The following SEPTIN6 variants were observed in gnomAD, a reference collection of about 807,000 sequenced individuals.
The protein encoded by SEPTIN6 is septin 6, also known as septin-6.
SEPTIN6 carries 8 observed loss-of-function variants against 33.6 expected under a neutral mutation model. The ratio of observed to expected loss-of-function variants is 0.24; its 90% CI spans 0.14 to 0.43. The LOEUF is 0.43. Ranked by LOEUF, SEPTIN6 falls within the 20% of genes least tolerant of loss-of-function variation. The pLI is 1.00. For synonymous variants in SEPTIN6, 131 were observed against 140.0 expected, an observed-to-expected ratio of 0.94 and a Z score of 0.45; for missense variants, 250 against 340.8, an observed-to-expected ratio of 0.73 and a Z score of 2.10.
chrX:119,645,706 A>AT (rs2054244294), intron 5 of SEPTIN6, among the ~76,000 whole-genome samples: 1 of 110,908 alleles, frequency 9.0e-6, no homozygotes, highest in African/African-American at 3.3e-5. Context: ...AATTTTTTGT[A>AT]TTTTTAGTAG....
intron 9 of SEPTIN6, among the ~76,000 whole-genome samples, chrX:119,628,458 T>C (rs2053895767): frequency 9.1e-6 from 1 of 109,647 alleles, no homozygotes; most frequent in Non-Finnish European, 1.9e-5. Flanking sequence ...TTTGTATTTT[T>C]AGTAGAGACA....
chrX:119,637,651 A>G (rs1236283174), intron 6 of SEPTIN6, among the ~76,000 whole-genome samples: 1 of 92,727 alleles, frequency 1.1e-5, no homozygotes, highest in Non-Finnish European at 2.2e-5. Flanking sequence ...CCATCCATCT[A>G]TCTATCCATC....
intron 8 of SEPTIN6, among the ~76,000 whole-genome samples, chrX:119,630,826 G>A (rs760055726): frequency 2.7e-5 from 3 of 109,755 alleles, no homozygotes; most frequent in Non-Finnish European, 5.7e-5. Flanking sequence ...CCGGGAGGCG[G>A]AGCTTTCAGT....
Position 119,654,940 on chromosome X carries a change from C to A in SEPTIN6, c.342-1900G>T, listed in dbSNP as rs753367711. On this transcript the variant is annotated intron_variant, in intron 3 of 10. Coordinates refer to ENST00000394610, the MANE Select transcript of SEPTIN6 (RefSeq NM_145799.4). Reference sequence around the variant, plus strand: ...TTTGGAGTGAGGGTGGGGAATGTATCCCCTAGGCTTATTTAATTAATTTTT... The same window carrying A: ...TTTGGAGTGAGGGTGGGGAATGTATACCCTAGGCTTATTTAATTAATTTTT... Among the ~76,000 whole-genome samples the A allele has an allele frequency of 4.5e-5, 5 of 111,539 alleles. No individual in the cohort carries two copies. In the South Asian group the frequency reaches 1.9e-3, roughly 42 times the overall value.
At chrX:119,621,634 G>A (rs978224303) in intron 10 of SEPTIN6, among the ~76,000 whole-genome samples, 1 of 108,424 alleles carries the variant, frequency 9.2e-6, no homozygotes. Context: ...TGGGATTATA[G>A]GCACCCGCCA....
At position 119,668,939 on chromosome X, in the gene SEPTIN6, C is replaced by T. The variant is rs183594374; in HGVS notation, c.146-5262G>A. Among the ~76,000 whole-genome samples the T allele has an allele frequency of 8.1e-5, 9 of 111,636 alleles. No individual in the cohort carries two copies. The East Asian group carries it at 1.1e-3, about 14-fold the overall frequency. Reference sequence around the variant, plus strand: ...AGTCTTTTATTCCTCACCCCCTTCCCGCCCTTTCCCCCTGAGTCCCCAAAG... The same window carrying T: ...AGTCTTTTATTCCTCACCCCCTTCCTGCCCTTTCCCCCTGAGTCCCCAAAG... On this transcript the variant is annotated intron_variant, in intron 2 of 10. Transcript: ENST00000394610.
chrX:119,627,785 G>A (rs1239425074), intron 9 of SEPTIN6, among the ~76,000 whole-genome samples: 1 of 101,514 alleles, frequency 9.9e-6, no homozygotes, highest in Non-Finnish European at 2.0e-5. Context: ...TCCTGTATCT[G>A]CACTTCTTTT....
intron 3 of SEPTIN6, among the ~76,000 whole-genome samples, chrX:119,655,017 T>C (rs1487225233): frequency 9.0e-6 from 1 of 111,251 alleles, no homozygotes; most frequent in Non-Finnish European, 1.9e-5. Flanking sequence ...TCATTTTTTT[T>C]CTCAATTACG....
chrX:119,685,667 CT>C (rs998595679), intron 1 of SEPTIN6, among the ~76,000 whole-genome samples: 1 of 111,307 alleles, frequency 9.0e-6, no homozygotes, highest in African/African-American at 3.3e-5. Context: ...AATGGAAAAG[CT>C]GACTCAAGTG....
downstream of SEPTIN6, chrX:119,616,597 G>A (rs1439036104): frequency 1.4e-6 from 1 of 701,701 alleles, no homozygotes. Flanking sequence ...GTTGAGTGGT[G>A]TGGTGTATGT....
intron 3 of SEPTIN6, 68 bp from the exon 4 acceptor site, chrX:119,653,108 G>A (rs761989768): frequency 5.4e-5 from 50 of 919,996 alleles, no homozygotes; most frequent in Non-Finnish European, 7.2e-5. Context: ...GTCCTTTTTG[G>A]AAGTTTCAAA....
intron 6 of SEPTIN6, among the ~76,000 whole-genome samples, chrX:119,639,259 G>A (rs939952087): frequency 9.0e-6 from 1 of 111,593 alleles, no homozygotes; most frequent in Non-Finnish European, 1.9e-5. Context: ...TGGTAGGGAT[G>A]AGTTTACAGA....
rs762098958 is a variant in SEPTIN6, at chrX:119,657,865, C to A, written c.342-4825G>T. On this transcript the variant is annotated intron_variant, in intron 3 of 10. Transcript: ENST00000394610. ...TCTCGACCGGGTGCGGTGGCTCACGCCTGTAATCCCAGCACTTTGGGAGGC... is the reference window on the plus strand; with the variant it reads ...TCTCGACCGGGTGCGGTGGCTCACGACTGTAATCCCAGCACTTTGGGAGGC... Among the ~76,000 whole-genome samples, 9 of 112,094 alleles carry A rather than the reference C, an allele frequency of 8.0e-5. 1 individual carries two copies. The South Asian group carries it at 3.3e-3, about 41-fold the overall frequency.
chrX:119,657,361 A>G (rs770419193), intron 3 of SEPTIN6, among the ~76,000 whole-genome samples: 17 of 110,526 alleles, frequency 1.5e-4, no homozygotes, highest in South Asian at 3.8e-4. Flanking sequence ...AGTCTTGTCA[A>G]TTCTCTCAAA....
chrX:119,678,182 T>C (rs764425273), intron 1 of SEPTIN6, among the ~76,000 whole-genome samples: 2 of 110,522 alleles, frequency 1.8e-5, no homozygotes, highest in African/African-American at 6.6e-5. Flanking sequence ...GAGGCTGCAG[T>C]GAGCCATGAT....
intron 2 of SEPTIN6, among the ~76,000 whole-genome samples, chrX:119,666,081 C>CAA (rs139368086): frequency 6.2e-4 from 45 of 73,140 alleles, no homozygotes; most frequent in Admixed American, 5.3e-3. Flanking sequence ...GACTCCATCT[C>CAA]AAAAAAAAAA....
intron 2 of SEPTIN6, among the ~76,000 whole-genome samples, chrX:119,667,428 G>A (rs1452704150): frequency 3.6e-5 from 4 of 111,480 alleles, no homozygotes; most frequent in Non-Finnish European, 5.7e-5. Context: ...TGGCACAAAA[G>A]CGCTGTGGAA....
At chrX:119,644,981 C>G (rs191509911) in intron 5 of SEPTIN6, among the ~76,000 whole-genome samples, 22 of 105,997 alleles carry the variant, frequency 2.1e-4, no homozygotes, top group African/African-American at 6.5e-4. Context: ...GATCTCGGCT[C>G]ACTGCAACCT....
In SEPTIN6 at chrX:119,649,943, G is replaced by A. The variant is rs773996138; in HGVS notation, c.684C>T (p.Thr228=). ...GGAAATTGCTCCCACTCACGTTCAT[G>A]GTTCCATTGATCTCTGCCACCGACT... ...DDESVAEING[T]MNAHLPFAVI... is the part of the protein sequence containing the mutation. The change falls in exon 5 of 11, where the codon ACC becomes ACT. Residue 228 remains threonine, a synonymous_variant. Coordinates refer to ENST00000394610, the MANE Select transcript of SEPTIN6 (RefSeq NM_145799.4). The A allele has an allele frequency of 9.1e-6, 11 of 1,207,409 alleles. No individual in the cohort carries two copies. In the Admixed American group the frequency reaches 1.5e-4, roughly 17 times the overall value.
Sources: gnomAD v4.1 joint callset for allele counts (sites outside exome capture counted in the v4.1 genomes callset) on GRCh38, gnomAD v4.1.1 for gene constraint, MANE v1.5 for transcripts, NCBI Gene and HGNC (gene_info 2026-07-23, HGNC 2026-07-21) for gene names.